HYCC1: variants seen among roughly 807,000 people sequenced by gnomAD.
HYCC1 encodes the protein hyccin PI4KA lipid kinase complex subunit 1.
the HYCC1 span, among the ~76,000 whole-genome samples, chr7:22,968,609 T>C: frequency 6.6e-6 from 1 of 152,154 alleles, no homozygotes; most frequent in Non-Finnish European, 1.5e-5. Context: ...TAGGGGTATG[T>C]AGAAGTCTCA....
the HYCC1 span, among the ~76,000 whole-genome samples, chr7:22,984,713 CA>C: frequency 5.3e-5 from 8 of 152,154 alleles, no homozygotes; most frequent in Non-Finnish European, 1.2e-4. Context: ...CAGAATGAGA[CA>C]GGGTCAAATT....
At chr7:22,987,539 C>A in the HYCC1 span, among the ~76,000 whole-genome samples, 1 of 152,148 alleles carries the variant, frequency 6.6e-6, no homozygotes, top group Non-Finnish European at 1.5e-5. Context: ...CAGTGTGAGA[C>A]CCTGTCTCAA....
At chr7:22,988,533 A>G in the HYCC1 span, among the ~76,000 whole-genome samples, 2 of 152,208 alleles carry the variant, frequency 1.3e-5, no homozygotes, top group East Asian at 3.9e-4. Flanking sequence ...AAGATCTGGG[A>G]GCTTAGTGTA....
chr7:22,921,710 A>G, the HYCC1 span, among the ~76,000 whole-genome samples: 1 of 152,190 alleles, frequency 6.6e-6, no homozygotes, highest in African/African-American at 2.4e-5. Context: ...ACATAAATTC[A>G]TATTTTTAAA....
the HYCC1 span, among the ~76,000 whole-genome samples, chr7:23,012,661 T>A: frequency 6.6e-6 from 1 of 152,190 alleles, no homozygotes; most frequent in Non-Finnish European, 1.5e-5. Flanking sequence ...AGACTACTAT[T>A]CATCCTGTAA....
the HYCC1 span, among the ~76,000 whole-genome samples, chr7:22,964,255 ATAGTTT>A: frequency 6.6e-6 from 1 of 152,202 alleles, no homozygotes; most frequent in Non-Finnish European, 1.5e-5. Flanking sequence ...AACTAAGATA[ATAGTTT>A]TAAAGTATTA....
the HYCC1 span, among the ~76,000 whole-genome samples, chr7:22,948,358 GA>G: frequency 6.6e-6 from 1 of 152,044 alleles, no homozygotes; most frequent in East Asian, 1.9e-4. Context: ...GGTAGTAAAA[GA>G]ACAAAGGCCA....
At chr7:22,909,360 C>T in the HYCC1 span, among the ~76,000 whole-genome samples, 2 of 152,142 alleles carry the variant, frequency 1.3e-5, no homozygotes, top group Non-Finnish European at 2.9e-5. Context: ...CTTCCTGAGG[C>T]CTTCCCATAA....
chr7:22,940,771 C>T, the HYCC1 span: 1 of 151,604 alleles, frequency 6.6e-6, no homozygotes, highest in East Asian at 1.9e-4. Context: ...GTACTAGGGG[C>T]ATATAATCTC....
the HYCC1 span, among the ~76,000 whole-genome samples, chr7:22,996,970 G>A: frequency 6.6e-6 from 1 of 152,100 alleles, no homozygotes; most frequent in Non-Finnish European, 1.5e-5. Flanking sequence ...TTCCTGCTGT[G>A]TAACTAACTT....
the HYCC1 span, among the ~76,000 whole-genome samples, chr7:23,002,175 T>TATATATAC: frequency 5.8e-5 from 3 of 51,810 alleles, no homozygotes; most frequent in Admixed American, 2.3e-4. Flanking sequence ...TATATATATA[T>TATATATAC]ACATATAGTT....
the HYCC1 span, among the ~76,000 whole-genome samples, chr7:22,959,245 C>G: frequency 6.6e-6 from 1 of 152,128 alleles, no homozygotes. Context: ...TTATTGTTTT[C>G]TGACATACAA....
chr7:22,911,559 A>C, the HYCC1 span, among the ~76,000 whole-genome samples: 1 of 152,146 alleles, frequency 6.6e-6, no homozygotes. Flanking sequence ...AGAGATGGAG[A>C]CCATCCTAGC....
At chr7:23,005,008 T>C in the HYCC1 span, among the ~76,000 whole-genome samples, 1 of 152,126 alleles carries the variant, frequency 6.6e-6, no homozygotes, top group Non-Finnish European at 1.5e-5. Flanking sequence ...GGTTTCACCG[T>C]GTTAGTCAGG....
the HYCC1 span, chr7:22,960,219 A>G: frequency 1.9e-6 from 3 of 1,594,916 alleles, no homozygotes; most frequent in African/African-American, 2.7e-5. Flanking sequence ...TAAAAGAATC[A>G]ACAATGGTTT....
the HYCC1 span, among the ~76,000 whole-genome samples, chr7:22,966,633 T>A: frequency 1.3e-5 from 2 of 152,330 alleles, no homozygotes; most frequent in East Asian, 1.9e-4. Flanking sequence ...GCCAATAGAT[T>A]GTAATTATTT....
the HYCC1 span, among the ~76,000 whole-genome samples, chr7:22,973,119 T>C: frequency 2.0e-5 from 3 of 152,216 alleles, no homozygotes; most frequent in Non-Finnish European, 2.9e-5. Flanking sequence ...CAGGATTAGA[T>C]GGCCCATGTA....
chr7:22,964,719 CAT>C, the HYCC1 span, among the ~76,000 whole-genome samples: 1 of 152,060 alleles, frequency 6.6e-6, no homozygotes, highest in Non-Finnish European at 1.5e-5. Flanking sequence ...CAGGAAAAAA[CAT>C]ATAAAGCTGA....
the HYCC1 span, among the ~76,000 whole-genome samples, chr7:22,926,596 A>G: frequency 6.6e-6 from 1 of 152,232 alleles, no homozygotes; most frequent in Non-Finnish European, 1.5e-5. Flanking sequence ...AGGCCATTAC[A>G]TAATGGTAAA....
Sources: gnomAD v4.1 joint callset for allele counts (sites outside exome capture counted in the v4.1 genomes callset) on GRCh38, gnomAD v4.1.1 for gene constraint, MANE v1.5 for transcripts, NCBI Gene and HGNC (gene_info 2026-07-23, HGNC 2026-07-21) for gene names.